NBEAL1: variants seen among roughly 807,000 people sequenced by gnomAD.
The protein encoded by NBEAL1 is neurobeachin like 1.
In NBEAL1, 273 loss-of-function variants were observed where a neutral mutation model predicts 351.3. The observed-to-expected ratio is 0.78, with a 90% CI of 0.70 to 0.86. The LOEUF is 0.86. Ranked by LOEUF, NBEAL1 falls within the 40% of genes least tolerant of loss-of-function variation. The pLI is 0.00. For synonymous variants in NBEAL1, 1,050 were observed against 1,086.4 expected (o/e 0.97, Z 0.66); for missense variants, 2,961 against 3,201.3 (o/e 0.92, Z 1.81).
At position 203,208,636 on chromosome 2, in the gene NBEAL1, G is replaced by A; in HGVS notation, c.7507-1G>A. 6.3e-7 allele frequency: 1 copy of A among 1,599,610 alleles called. No individual in the cohort carries two copies. Among genetic ancestry groups the A allele is most frequent in the Non-Finnish European group, 8.5e-7 (1 of 1,171,696 alleles). ...CCTTTGCTTTTCTCTTGTATTATTAGGGAGGTGTTCCTGTGGGCTTAGCAT... is the reference window on the plus strand; with the variant it reads ...CCTTTGCTTTTCTCTTGTATTATTAAGGAGGTGTTCCTGTGGGCTTAGCAT... On this transcript the variant is annotated splice_acceptor_variant, in intron 51 of 55. Transcript: ENST00000683969. LOFTEE classifies it high-confidence loss of function.
At chr2:203,176,646 C>T (rs999838862) in intron 42 of NBEAL1, among the ~76,000 whole-genome samples, 3 of 150,550 alleles carry the variant, frequency 2.0e-5, no homozygotes, top group Admixed American at 6.6e-5. Context: ...GCATGAGAGT[C>T]GCTTGAACAT....
chr2:203,211,178 G>C lies in NBEAL1; in HGVS notation c.7934+72G>C, dbSNP rs1033402591. The C allele has an allele frequency of 2.7e-6, 3 of 1,114,758 alleles. No homozygotes were observed. In the African/African-American group the frequency reaches 4.8e-5, roughly 18 times the overall value. 69.1% of individuals were successfully genotyped at this position (1,114,758 alleles called of 1,614,324 possible). On this transcript the variant is annotated intron_variant, in intron 54 of 55. Coordinates refer to ENST00000683969, the MANE Select transcript of NBEAL1 (RefSeq NM_001378026.1). ...ACTTCTAGTCTAGAGTGAAAATCAGGAATCTAAGATTTTTAATCTTTTGGT... is the reference window on the plus strand; with the variant it reads ...ACTTCTAGTCTAGAGTGAAAATCAGCAATCTAAGATTTTTAATCTTTTGGT...
chr2:203,206,447 C>A (rs563274041), intron 51 of NBEAL1, among the ~76,000 whole-genome samples: 1 of 152,040 alleles, frequency 6.6e-6, no homozygotes, highest in Non-Finnish European at 1.5e-5. Context: ...CTCTTTCCAC[C>A]GTCTTCCTCT....
intron 14 of NBEAL1, 57 bp downstream of exon 14, chr2:203,108,245 A>T: frequency 7.7e-7 from 1 of 1,301,008 alleles, no homozygotes. Flanking sequence ...ATATGCTGTG[A>T]TTCTTAAACA....
chr2:203,083,484 A>G lies in NBEAL1; in HGVS notation c.950A>G (p.Gln317Arg). The change falls in exon 9 of 56, where the codon CAG becomes CGG. Residue 317 changes from glutamine to arginine, a missense_variant. Gln to Arg is a conservative substitution (Grantham distance 43). Coordinates refer to ENST00000683969, the MANE Select transcript of NBEAL1 (RefSeq NM_001378026.1). Reference sequence around the variant, plus strand: ...TTACCTAATCAAAGGAGGTCCAGACAGTGGGAAAACCGATTTATTGCTCTA... The same window carrying G: ...TTACCTAATCAAAGGAGGTCCAGACGGTGGGAAAACCGATTTATTGCTCTA... ...SALPNQRRSR[Q>R]WENRFIALQI... The G allele has an allele frequency of 1.3e-6, 2 of 1,550,982 alleles. No individual in the cohort carries two copies. The highest frequency in any genetic ancestry group is 1.7e-6 in the Non-Finnish European group (2 of 1,146,334).
rs1444223354 is a variant in NBEAL1, at chr2:203,222,086, G to C, written c.*4732G>C. On this transcript the variant is annotated 3_prime_UTR_variant, in exon 56 of 56. Coordinates refer to ENST00000683969, the MANE Select transcript of NBEAL1 (RefSeq NM_001378026.1). Reference sequence around the variant, plus strand: ...GCCTGTAGTCCTAGCTGCTCGGGAGGCTGAGGCAAGGGGTTTGCTTGAGCC... The same window carrying C: ...GCCTGTAGTCCTAGCTGCTCGGGAGCCTGAGGCAAGGGGTTTGCTTGAGCC... 6.6e-6 allele frequency among the ~76,000 whole-genome samples: 1 copy of C among 152,194 alleles called. No homozygotes were observed. The highest frequency in any genetic ancestry group is 2.4e-5 in the African/African-American group (1 of 41,438).
At chr2:203,148,661 T>TG (rs2063570447) in intron 33 of NBEAL1, among the ~76,000 whole-genome samples, 1 of 152,044 alleles carries the variant, frequency 6.6e-6, no homozygotes. Context: ...AGAGGAAAAT[T>TG]ATTTTACTTG....
chr2:203,045,217 C>G (rs2061207076), intron 3 of NBEAL1, among the ~76,000 whole-genome samples: 1 of 151,852 alleles, frequency 6.6e-6, no homozygotes. Flanking sequence ...ATGGGATGAC[C>G]AAGAACAAGG....
In NBEAL1 at chr2:203,062,443, T is replaced by A. The variant is rs2061516111; in HGVS notation, c.515+4990T>A. 5.3e-6 allele frequency: 2 copies of A among 377,990 alleles called. No homozygotes were observed. The highest frequency in any genetic ancestry group is 5.1e-6 in the Non-Finnish European group (1 of 194,374). 23.4% of individuals were successfully genotyped at this position (377,990 alleles called of 1,614,324 possible). A position where few individuals can be genotyped will look rare whatever the true frequency, so the allele number is the denominator to read the frequency against. On this transcript the variant is annotated intron_variant, in intron 6 of 55. Coordinates refer to ENST00000683969, the MANE Select transcript of NBEAL1 (RefSeq NM_001378026.1). The surrounding 1 kb of genome is among the most constrained non-coding windows in gnomAD (Gnocchi z 4.2). ...CATGCTCCAGCATCCTGCCCAGGGA[T>A]CTTGCAGGGCCTGCAGGTCACAGGC...
At chr2:203,163,808 G>T (rs184224439) in intron 36 of NBEAL1, among the ~76,000 whole-genome samples, 15 of 152,086 alleles carry the variant, frequency 9.9e-5, no homozygotes, top group Middle Eastern at 3.4e-3. Context: ...TTCAGTTTGG[G>T]ATTATTTTGA....
At chr2:203,171,239 C>A (rs1385555896) in intron 39 of NBEAL1, among the ~76,000 whole-genome samples, 1 of 151,956 alleles carries the variant, frequency 6.6e-6, no homozygotes, top group Non-Finnish European at 1.5e-5. Flanking sequence ...GCCTGGGCAA[C>A]AAGAGTGAAA....
intron 41 of NBEAL1, among the ~76,000 whole-genome samples, chr2:203,173,933 C>CA (rs1476452667): frequency 9.2e-5 from 14 of 151,940 alleles, no homozygotes; most frequent in African/African-American, 3.4e-4. Flanking sequence ...GTGTTTATGG[C>CA]CTACAAAAAT....
intron 2 of NBEAL1, among the ~76,000 whole-genome samples, chr2:203,039,200 C>A (rs567955602): frequency 1.7e-5 from 2 of 118,380 alleles, no homozygotes; most frequent in South Asian, 5.8e-4. Context: ...CTTTCCTTTC[C>A]TTTCCTTTCC....
intron 10 of NBEAL1, among the ~76,000 whole-genome samples, chr2:203,092,252 A>C (rs1308497525): frequency 1.3e-5 from 2 of 152,144 alleles, no homozygotes; most frequent in Non-Finnish European, 2.9e-5. Flanking sequence ...ATGTAGCAGC[A>C]ATGTGGAAGA....
At chr2:203,192,545 T>G (rs1178489985) in intron 46 of NBEAL1, among the ~76,000 whole-genome samples, 1 of 151,724 alleles carries the variant, frequency 6.6e-6, no homozygotes, top group East Asian at 1.9e-4. Flanking sequence ...CCACCACACC[T>G]GGCTAATTTT....
At position 203,132,126 on chromosome 2, in the gene NBEAL1, A is replaced by T; in HGVS notation, c.3718A>T (p.Asn1240Tyr). Residue 1240 changes from asparagine (N) to tyrosine (Y), a missense_variant, in exon 26 of 56, where the codon AAT becomes TAT. Transcript: ENST00000683969. ...LIKNLTHQII[N>Y]TDPVINFKDL... ...TAAAAACCTCACCCATCAAATCATA[A>T]ATACAGGTATGAATAAGGCTAATAA... 6.6e-7 allele frequency: 1 copy of T among 1,517,106 alleles called. No individual in the cohort carries two copies. Among genetic ancestry groups the T allele is most frequent in the Non-Finnish European group, 8.9e-7 (1 of 1,119,798 alleles). 94.0% of individuals were successfully genotyped at this position (1,517,106 alleles called of 1,614,324 possible).
intron 31 of NBEAL1, among the ~76,000 whole-genome samples, chr2:203,143,427 C>A (rs2063431719): frequency 6.6e-6 from 1 of 152,206 alleles, no homozygotes; most frequent in South Asian, 2.1e-4. Flanking sequence ...ACAGAAACAT[C>A]AAGCCAAATT....
At chr2:203,081,095 G>A (rs1184966831) in intron 8 of NBEAL1, among the ~76,000 whole-genome samples, 3 of 152,114 alleles carry the variant, frequency 2.0e-5, no homozygotes. Context: ...TAGCTATAGT[G>A]GGATTTATAT....
intron 49 of NBEAL1, among the ~76,000 whole-genome samples, chr2:203,200,938 A>G (rs1482524165): frequency 4.6e-5 from 7 of 152,344 alleles, no homozygotes; most frequent in East Asian, 3.9e-4. Context: ...ATAAAGTTTT[A>G]TAGCTAGAGT....
Sources: gnomAD v4.1 joint callset for allele counts (sites outside exome capture counted in the v4.1 genomes callset) on GRCh38, gnomAD v4.1.1 for gene constraint, Gnocchi (gnomAD v3.1) non-coding constraint, MANE v1.5 for transcripts, NCBI Gene and HGNC (gene_info 2026-07-23, HGNC 2026-07-21) for gene names.